HRH1: variants seen among roughly 807,000 people sequenced by gnomAD.
The protein encoded by HRH1 is histamine receptor H1, also known as histamine H1 receptor.
A neutral mutation model predicts 10.3 loss-of-function variants in HRH1; 6 were observed. That is an observed-to-expected ratio of 0.58 (90% CI 0.32 to 1.15). The LOEUF is 1.15. Among genes scored for constraint, HRH1 ranks in the 50% most tolerant of loss-of-function variants. The pLI is 0.05. For synonymous variants in HRH1, 242 were observed against 236.7 expected, an observed-to-expected ratio of 1.02 and a Z score of -0.21; for missense variants, 514 against 615.3, an observed-to-expected ratio of 0.84 and a Z score of 1.74.
chr3:11,259,233 A>G lies in HRH1; in HGVS notation c.196A>G (p.Ile66Val), dbSNP rs751938427. The G allele has an allele frequency of 5.6e-6, 9 of 1,610,462 alleles. No homozygotes were observed. Among genetic ancestry groups the G allele is most frequent in the South Asian group, 5.5e-5 (5 of 90,914 alleles). ...RKLHTVGNLY[I>V]VSLSVADLIV... ...GCTCCACACTGTGGGGAACCTGTAC[A>G]TCGTCAGCCTCTCGGTGGCGGACTT... Residue 66 changes from isoleucine (I) to valine (V), a missense_variant, in exon 2 of 2, where the codon ATC becomes GTC. Physicochemically the swap from Ile to Val is conservative, Grantham distance 29. Transcript: ENST00000431010. The surrounding 1 kb of genome is among the most constrained non-coding windows in gnomAD (Gnocchi z 4.6).
chr3:11,214,970 A>C (rs771053841), intron 1 of HRH1, among the ~76,000 whole-genome samples: 2 of 152,256 alleles, frequency 1.3e-5, no homozygotes, highest in Non-Finnish European at 2.9e-5. Context: ...AGATACCTAT[A>C]ATAGGCTGAC....
chr3:11,213,362 A>G (rs1938388777), intron 1 of HRH1, among the ~76,000 whole-genome samples: 1 of 152,226 alleles, frequency 6.6e-6, no homozygotes, highest in Non-Finnish European at 1.5e-5. Flanking sequence ...TGGGCTCCTT[A>G]GCATCTCTGA....
At chr3:11,163,380 G>A (rs1314851100) in intron 1 of HRH1, among the ~76,000 whole-genome samples, 4 of 152,202 alleles carry the variant, frequency 2.6e-5, no homozygotes, top group Non-Finnish European at 4.4e-5. Context: ...CATCTGGAAA[G>A]ATGTCCCTGA....
rs116663731 is a variant in HRH1 at position 11,195,731 on chromosome 3, G to A, written c.-36+41177G>A. Among the ~76,000 whole-genome samples the A allele has an allele frequency of 8.7e-3, 1,327 of 152,284 alleles. 10 individuals carry two copies. Among genetic ancestry groups the A allele is most frequent in the Non-Finnish European group, 0.013 (898 of 68,030 alleles). ...GAGCTCCTCATAGGGATACAAAGCC[G>A]TCCCAAAGAAATCAAGGCAGAGCTG... On this transcript the variant is annotated intron_variant, in intron 1 of 1. Coordinates refer to ENST00000431010, the MANE Select transcript of HRH1 (RefSeq NM_001098212.2).
chr3:11,176,876 T>C (rs7612384), intron 1 of HRH1, among the ~76,000 whole-genome samples: 22,712 of 152,166 alleles, frequency 0.15, 3,229 homozygotes, highest in African/African-American at 0.37. Context: ...GTGGATCACT[T>C]GAGCTCAGGA....
intron 1 of HRH1, among the ~76,000 whole-genome samples, chr3:11,221,354 A>T (rs1008856224): frequency 6.6e-6 from 1 of 151,996 alleles, no homozygotes. Flanking sequence ...GGAGTTTAAG[A>T]CCAGCCTGGG....
rs754740478 is a variant in HRH1, at chr3:11,155,149, C to T, written c.-36+595C>T. Among the ~76,000 whole-genome samples, 70 of 152,244 alleles carry T rather than the reference C, an allele frequency of 4.6e-4. 1 individual carries two copies. Among genetic ancestry groups the T allele is most frequent in the Middle Eastern group, 6.8e-3 (2 of 294 alleles). ...ACACTGAGGTAAGCCCCAGGCTCAG[C>T]GTCACCTGGAGTCGGGGGTGGGAAC... On this transcript the variant is annotated intron_variant, in intron 1 of 1. Coordinates refer to ENST00000431010, the MANE Select transcript of HRH1 (RefSeq NM_001098212.2).
At chr3:11,191,959 A>G (rs959112157) in intron 1 of HRH1, among the ~76,000 whole-genome samples, 2 of 152,084 alleles carry the variant, frequency 1.3e-5, no homozygotes, top group African/African-American at 2.4e-5. Context: ...GACTCTTCTT[A>G]TGGGGAAAAG....
At chr3:11,156,361 A>G (rs80290270) in intron 1 of HRH1, among the ~76,000 whole-genome samples, 1,765 of 152,266 alleles carry the variant, frequency 0.012, 42 homozygotes, top group African/African-American at 0.04. Flanking sequence ...GGTTTGGCCA[A>G]TGCTGGGCTG....
chr3:11,166,907 G>A (rs1937048310), intron 1 of HRH1, among the ~76,000 whole-genome samples: 1 of 110,760 alleles, frequency 9.0e-6, no homozygotes, highest in Non-Finnish European at 1.8e-5. Context: ...GCTGTCCCCT[G>A]GCTTCTCCAG....
At chr3:11,187,393 A>C (rs971803844) in intron 1 of HRH1, among the ~76,000 whole-genome samples, 28 of 151,970 alleles carry the variant, frequency 1.8e-4, no homozygotes, top group Admixed American at 1.7e-3. Context: ...TAGAATTACA[A>C]AACATTTTGA....
At chr3:11,253,302 C>T (rs961823014) in intron 1 of HRH1, 2 of 152,184 alleles carry the variant, frequency 1.3e-5, no homozygotes, top group African/African-American at 4.8e-5. Context: ...GAGCCCCTGA[C>T]CTCCCTAGTC....
intron 1 of HRH1, among the ~76,000 whole-genome samples, chr3:11,245,360 A>G (rs1000219045): frequency 6.6e-6 from 1 of 152,204 alleles, no homozygotes; most frequent in African/African-American, 2.4e-5. Context: ...CTAAAAAAAA[A>G]AAATAGAGAA....
At chr3:11,167,181 C>A (rs1179566274) in intron 1 of HRH1, among the ~76,000 whole-genome samples, 3 of 135,348 alleles carry the variant, frequency 2.2e-5, no homozygotes, top group African/African-American at 8.4e-5. Flanking sequence ...TGTCCCCTGG[C>A]CTCTCCAGGC....
intron 1 of HRH1, among the ~76,000 whole-genome samples, chr3:11,207,703 G>T (rs1009215186): frequency 1.3e-5 from 2 of 152,126 alleles, no homozygotes; most frequent in Admixed American, 1.3e-4. Flanking sequence ...CATTCAAAAA[G>T]CTTCCCTCCT....
In HRH1 at chr3:11,263,251, C is replaced by T. The variant is rs1272005897; in HGVS notation, c.*2750C>T. On this transcript the variant is annotated 3_prime_UTR_variant, in exon 2 of 2. Transcript: ENST00000431010. ...TGGCTTTAATAAATTGGTCATTTGG[C>T]TACTTGGCTTGTGGACAATCTCTGA... is the stretch of plus-strand genomic sequence containing the variant. 2 of 167,124 alleles carry T rather than the reference C, an allele frequency of 1.2e-5. No individual in the cohort carries two copies. The highest frequency in any genetic ancestry group is 4.8e-5 in the African/African-American group (2 of 41,468). 10.4% of individuals were successfully genotyped at this position (167,124 alleles called of 1,614,324 possible). A position where few individuals can be genotyped will look rare whatever the true frequency, so the allele number is the denominator to read the frequency against.
At chr3:11,197,242 A>G (rs1325148341) in intron 1 of HRH1, among the ~76,000 whole-genome samples, 1 of 152,080 alleles carries the variant, frequency 6.6e-6, no homozygotes, top group African/African-American at 2.4e-5. Flanking sequence ...GCATTGGGTT[A>G]GGAGACCCTT....
At chr3:11,139,902 G>T (rs1051530375) in intron 1 of HRH1, among the ~76,000 whole-genome samples, 1 of 152,100 alleles carries the variant, frequency 6.6e-6, no homozygotes, top group Admixed American at 6.5e-5. Flanking sequence ...TAGTGGTGAT[G>T]GTTGCACAAC....
At chr3:11,218,273 C>T (rs1031289781) in intron 1 of HRH1, among the ~76,000 whole-genome samples, 5 of 151,796 alleles carry the variant, frequency 3.3e-5, no homozygotes, top group African/African-American at 1.2e-4. Context: ...GGTGAAACCC[C>T]GTCTCTGTTA....
Sources: allele counts gnomAD v4.1 joint callset (sites outside exome capture counted in the v4.1 genomes callset), GRCh38; gene constraint gnomAD v4.1.1; non-coding constraint Gnocchi (gnomAD v3.1); transcripts MANE v1.5; gene names NCBI Gene and HGNC (gene_info 2026-07-23, HGNC 2026-07-21).